E2F2: variants seen among roughly 807,000 people sequenced by gnomAD.
The protein encoded by E2F2 is transcription factor E2F2.
A neutral mutation model predicts 42.2 loss-of-function variants in E2F2; 22 were observed. That is an observed-to-expected ratio of 0.52 (90% CI 0.37 to 0.74). The LOEUF (loss-of-function observed/expected upper bound fraction) is 0.74. Among genes scored for constraint, E2F2 ranks in the 30% least tolerant of loss-of-function variants. The pLI, the probability that E2F2 is intolerant of heterozygous loss-of-function variation, is 0.00. For missense variants in E2F2, 481 were observed against 557.8 expected (o/e 0.86, Z 1.39); for synonymous variants, 248 against 251.6 (o/e 0.99, Z 0.13).
rs922738372 is a variant in E2F2 at position 23,508,073 on chromosome 1, A to T, written c.*1807T>A. 1 of 152,208 alleles carries T rather than the reference A, an allele frequency of 6.6e-6. No homozygotes were observed. Among genetic ancestry groups the T allele is most frequent in the Non-Finnish European group, 1.5e-5 (1 of 68,036 alleles). 9.4% of individuals were successfully genotyped at this position (152,208 alleles called of 1,614,324 possible). A position where few individuals can be genotyped will look rare whatever the true frequency, so the allele number is the denominator to read the frequency against. On this transcript the variant is annotated 3_prime_UTR_variant, in exon 7 of 7. Transcript: ENST00000361729. Reference sequence around the variant, plus strand: ...AGACCCTTGTGAGTATTTGGGTAGGAGACCAAAAGCATTTCTGCAAAGGGT... The same window carrying T: ...AGACCCTTGTGAGTATTTGGGTAGGTGACCAAAAGCATTTCTGCAAAGGGT...
intron 6 of E2F2, among the ~76,000 whole-genome samples, chr1:23,515,571 A>C (rs2148694169): frequency 1.3e-5 from 2 of 152,158 alleles, no homozygotes; most frequent in East Asian, 3.9e-4. Context: ...TTTTTATTAG[A>C]GATGGAGTCT....
intron 6 of E2F2, among the ~76,000 whole-genome samples, chr1:23,515,328 T>C (rs1642997604): frequency 6.6e-6 from 1 of 152,214 alleles, no homozygotes; most frequent in Non-Finnish European, 1.5e-5. Context: ...CCCTGGCAAC[T>C]TACCTGTACT....
chr1:23,510,433 C>A (rs1008157927), intron 6 of E2F2, among the ~76,000 whole-genome samples: 1 of 152,182 alleles, frequency 6.6e-6, no homozygotes, highest in Non-Finnish European at 1.5e-5. Context: ...TCAAGCGATT[C>A]TCCCACCTGA....
rs565602555 is a variant in E2F2, at chr1:23,524,309, A to T, written c.358+74T>A. The T allele has an allele frequency of 3.5e-6, 4 of 1,129,712 alleles. No individual in the cohort carries two copies. In the African/African-American group the frequency reaches 6.4e-5, roughly 18 times the overall value. The allele number at this position is 1,129,712 out of a possible 1,614,324, so 70.0% of individuals were successfully genotyped here. A position where few individuals can be genotyped will look rare whatever the true frequency, so the allele number is the denominator to read the frequency against. ...ACTGGAAAGTGATCCAAATATGACT[A>T]CCAGTGATTGGGCAGGGCACTGCCC... On this transcript the variant is annotated intron_variant, in intron 2 of 6. Transcript: ENST00000361729.
At chr1:23,512,698 C>T (rs1642933577) in intron 6 of E2F2, among the ~76,000 whole-genome samples, 2 of 152,246 alleles carry the variant, frequency 1.3e-5, no homozygotes, top group Non-Finnish European at 1.5e-5. Context: ...TGATCACGTC[C>T]AGAAATAGAA....
rs1022008521 is a variant in E2F2 at position 23,516,803 on chromosome 1, G to GC, written c.853-277_853-276insG. Among the ~76,000 whole-genome samples the GC allele has an allele frequency of 9.3e-5, 13 of 140,456 alleles. No individual in the cohort carries two copies. In the East Asian group the frequency reaches 1.5e-3, roughly 16 times the overall value. The allele number at this position is 140,456 out of a possible 152,430, so 92.1% of individuals were successfully genotyped here. The stretch of plus-strand genomic sequence containing the variant: ...CAGGTCATCTAGTTTTGGGGCGGGG[G>GC]GGGGGGGGCAGCACCCTTCCCCAAT... On this transcript the variant is annotated intron_variant, in intron 5 of 6. Transcript: ENST00000361729.
intron 4 of E2F2, chr1:23,519,417 C>T (rs1427603824): frequency 4.5e-6 from 1 of 224,444 alleles, no homozygotes; most frequent in Non-Finnish European, 8.7e-6. Flanking sequence ...ATCATTAGCT[C>T]TGAGAAGGCA....
In E2F2 at chr1:23,522,016, C is replaced by T. The variant is rs575411299; in HGVS notation, c.399G>A (p.Ser133=). The T allele has an allele frequency of 2.5e-5, 40 of 1,614,174 alleles. No homozygotes were observed. The highest frequency in any genetic ancestry group is 1.8e-4 in the Admixed American group (11 of 60,018). Residue 133 remains serine (S), a synonymous_variant, in exon 3 of 7, where the codon TCG becomes TCA. Transcript: ENST00000361729. ...TGAACTTCTTGGTGAGCAGCCCCAG[C>T]GAAGTGTCATACCGAGTCTTCTCCC... The part of the protein sequence containing the change: ...SPGEKTRYDT[S]LGLLTKKFIY...
Position 23,530,832 on chromosome 1 carries a change from G to C in E2F2, c.-39C>G. On this transcript the variant is annotated 5_prime_UTR_variant, in exon 1 of 7. Transcript: ENST00000361729. This position sits in a 1 kb window ranked among gnomAD's most constrained non-coding sequence, Gnocchi z 4.4. ...CCCCCTACCCAAAAGGGCTTGGCGC[G>C]CCCGCGGACACCTGCGGGTTCCGGT... The C allele has an allele frequency of 6.9e-7, 1 of 1,440,378 alleles. No homozygotes were observed. Among genetic ancestry groups the C allele is most frequent in the Non-Finnish European group, 9.1e-7 (1 of 1,095,808 alleles). 89.2% of individuals were successfully genotyped at this position (1,440,378 alleles called of 1,614,324 possible).
rs3218143 is a variant in E2F2, at chr1:23,526,408, G to A, written c.253-1920C>T. 6.7e-3 allele frequency among the ~76,000 whole-genome samples: 1,017 copies of A among 152,148 alleles called. 10 individuals carry two copies. The highest frequency in any genetic ancestry group is 0.024 in the African/African-American group (982 of 41,502). Reference sequence around the variant, plus strand: ...ATCCTGACCAAGGCTGCACATCCTAGTATTCTTCATATATCCCCCAGCAGG... The same window carrying A: ...ATCCTGACCAAGGCTGCACATCCTAATATTCTTCATATATCCCCCAGCAGG... On this transcript the variant is annotated intron_variant, in intron 1 of 6. Transcript: ENST00000361729.
At position 23,530,652 on chromosome 1, in the gene E2F2, G is replaced by T. The variant is rs762291003; in HGVS notation, c.142C>A (p.Leu48Met). 3.1e-6 allele frequency: 5 copies of T among 1,613,384 alleles called. No homozygotes were observed. The Admixed American group carries it at 5.0e-5, about 16-fold the overall frequency. The change falls in exon 1 of 7, where the codon CTG (leucine) becomes ATG (methionine). Residue 48 changes from leucine (L) to methionine (M), a missense_variant. Transcript: ENST00000361729. The surrounding 1 kb of genome is among the most constrained non-coding windows in gnomAD (Gnocchi z 4.4). ...GCGGGAGGCGCCGTCTGCGGGTACA[G>T]CGGTGTGTAGTAGGTAGCAGTAGCT... The part of the protein sequence containing the change: ...CPATATYYTP[L>M]YPQTAPPAAA...
intron 1 of E2F2, among the ~76,000 whole-genome samples, chr1:23,526,104 A>G (rs1464256860): frequency 6.6e-6 from 1 of 151,808 alleles, no homozygotes; most frequent in African/African-American, 2.4e-5. Flanking sequence ...CTTGCTTTCC[A>G]CCACTACCGA....
chr1:23,530,803 G>T lies in E2F2; in HGVS notation c.-10C>A. Reference sequence around the variant, plus strand: ...GGGGCCCTTGCAGCATAGCGAGTAAGGCGCCCCCTACCCAAAAGGGCTTGG... The same window carrying T: ...GGGGCCCTTGCAGCATAGCGAGTAATGCGCCCCCTACCCAAAAGGGCTTGG... On this transcript the variant is annotated 5_prime_UTR_variant, in exon 1 of 7. Coordinates refer to ENST00000361729, the MANE Select transcript of E2F2 (RefSeq NM_004091.4). This position sits in a 1 kb window ranked among gnomAD's most constrained non-coding sequence, Gnocchi z 4.4. 6.7e-7 allele frequency: 1 copy of T among 1,501,884 alleles called. No individual in the cohort carries two copies. 93.0% of individuals were successfully genotyped at this position (1,501,884 alleles called of 1,614,324 possible).
At chr1:23,514,041 T>C (rs1642966304) in intron 6 of E2F2, among the ~76,000 whole-genome samples, 1 of 151,784 alleles carries the variant, frequency 6.6e-6, no homozygotes, top group South Asian at 2.1e-4. Flanking sequence ...GGAGAATTGC[T>C]TGAACTTGGG....
chr1:23,526,409 T>A (rs572455449), intron 1 of E2F2, among the ~76,000 whole-genome samples: 1 of 152,094 alleles, frequency 6.6e-6, no homozygotes, highest in East Asian at 1.9e-4. Context: ...CACATCCTAG[T>A]ATTCTTCATA....
intron 1 of E2F2, among the ~76,000 whole-genome samples, chr1:23,527,870 G>A (rs3218136): frequency 0.039 from 5,965 of 152,316 alleles, 360 homozygotes; most frequent in African/African-American, 0.14. Context: ...AGGACCGGGC[G>A]TGGTGGCTCA....
chr1:23,513,118 G>GTTTT (rs11449034), intron 6 of E2F2, among the ~76,000 whole-genome samples: 2 of 139,628 alleles, frequency 1.4e-5, no homozygotes, highest in Admixed American at 7.1e-5. Flanking sequence ...GGCCACATAA[G>GTTTT]TTTTTTTTTT....
At chr1:23,513,356 T>C (rs993567301) in intron 6 of E2F2, among the ~76,000 whole-genome samples, 1 of 151,984 alleles carries the variant, frequency 6.6e-6, no homozygotes, top group Non-Finnish European at 1.5e-5. Context: ...TCTCAGAATG[T>C]CAGAGCCTGG....
chr1:23,513,561 C>CGTGTGTGTGTGTGTGTGT (rs1558237706), intron 6 of E2F2, among the ~76,000 whole-genome samples: 5 of 115,936 alleles, frequency 4.3e-5, no homozygotes, highest in African/African-American at 1.6e-4. Context: ...CAGCACGGAA[C>CGTGTGTGTGTGTGTGTGT]ATGTGTGTGT....
Sources: allele counts gnomAD v4.1 joint callset (sites outside exome capture counted in the v4.1 genomes callset), GRCh38; gene constraint gnomAD v4.1.1; non-coding constraint Gnocchi (gnomAD v3.1); transcripts MANE v1.5; gene names NCBI Gene and HGNC (gene_info 2026-07-23, HGNC 2026-07-21).